Variants in SLC2A13 observed in about 807,000 individuals in gnomAD.
SLC2A13 encodes solute carrier family 2 member 13, also known as proton myo-inositol cotransporter.
A neutral mutation model predicts 64.4 loss-of-function variants in SLC2A13; 32 were observed. That is an observed-to-expected ratio of 0.50 (90% CI 0.37 to 0.67). The LOEUF (loss-of-function observed/expected upper bound fraction) is 0.67. SLC2A13 is among the 30% of genes least tolerant of loss of function. The probability of loss-of-function intolerance (pLI) is 0.00; values close to 1 mark genes in which losing one functional copy is unlikely to be tolerated. For missense variants in SLC2A13, 743 were observed against 829.2 expected (o/e 0.90, Z 1.28); for synonymous variants, 338 against 327.1 (o/e 1.03, Z -0.36).
chr12:39,883,399 G>T (rs931633576), intron 4 of SLC2A13, among the ~76,000 whole-genome samples: 1 of 152,134 alleles, frequency 6.6e-6, no homozygotes, highest in African/African-American at 2.4e-5. Flanking sequence ...GACTACATAT[G>T]ACTTGGGAGC....
At chr12:39,917,706 A>G (rs933014207) in intron 4 of SLC2A13, among the ~76,000 whole-genome samples, 4 of 152,068 alleles carry the variant, frequency 2.6e-5, no homozygotes, top group African/African-American at 9.7e-5. Context: ...TCAGTGAATT[A>G]CACTGCTGAC....
chr12:40,102,525 T>C (rs750471141), intron 1 of SLC2A13, among the ~76,000 whole-genome samples: 2 of 152,210 alleles, frequency 1.3e-5, no homozygotes, highest in Admixed American at 6.5e-5. Context: ...GCAGAAATCC[T>C]TGACCCACAT....
intron 3 of SLC2A13, among the ~76,000 whole-genome samples, chr12:39,997,906 T>G (rs1192286567): frequency 6.6e-6 from 1 of 152,174 alleles, no homozygotes; most frequent in Non-Finnish European, 1.5e-5. Context: ...CAGGGAACAC[T>G]TCACCACTGC....
chr12:39,770,645 C>T (rs964710632), intron 7 of SLC2A13, among the ~76,000 whole-genome samples: 1 of 152,152 alleles, frequency 6.6e-6, no homozygotes, highest in African/African-American at 2.4e-5. Context: ...AGAGCATCTG[C>T]ACACTCAATG....
chr12:39,760,159 A>G lies in SLC2A13; in HGVS notation c.1814T>C (p.Ile605Thr), dbSNP rs781699032. Reference protein sequence around the residue: ...PETKGKKLEEIESLFDNRLCT... With the variant: ...PETKGKKLEETESLFDNRLCT... ...TAGCCTGTTGTCAAAGAGTGATTCA[A>G]TTTCCTCTAATTTTTTGCCTTTGGT... Residue 605 changes from isoleucine (I) to threonine (T), a missense_variant, in exon 10 of 10, where the codon ATT (isoleucine) becomes ACT (threonine). Physicochemically the swap from Ile to Thr is moderately conservative, Grantham distance 89. This residue lies in a region of SLC2A13 where 295 missense variants were observed against 381.7 expected (regional missense o/e 0.77). Transcript: ENST00000280871. The G allele has an allele frequency of 1.3e-5, 21 of 1,612,834 alleles. No individual in the cohort carries two copies. The highest frequency in any genetic ancestry group is 6.7e-5 in the Admixed American group (4 of 59,788).
chr12:39,881,327 T>C (rs944691409), intron 4 of SLC2A13, among the ~76,000 whole-genome samples: 20 of 151,506 alleles, frequency 1.3e-4, no homozygotes, highest in Admixed American at 9.8e-4. Flanking sequence ...GTGGTTTATG[T>C]TAAAAAAAAA....
intron 4 of SLC2A13, among the ~76,000 whole-genome samples, chr12:39,947,014 C>G (rs1044540452): frequency 1.3e-5 from 2 of 152,162 alleles, no homozygotes; most frequent in Non-Finnish European, 2.9e-5. Flanking sequence ...TGGGATCCAG[C>G]AAGCTCCCAG....
intron 7 of SLC2A13, among the ~76,000 whole-genome samples, chr12:39,785,738 C>A (rs912258838): frequency 1.6e-4 from 25 of 152,082 alleles, no homozygotes; most frequent in Admixed American, 6.5e-5. Flanking sequence ...CGGAGCTGCC[C>A]AAGACCATGG....
rs559568911 is a variant in SLC2A13 at position 39,787,464 on chromosome 12, C to A, written c.1446-22606G>T. Among the ~76,000 whole-genome samples, 35 of 152,192 alleles carry A rather than the reference C, an allele frequency of 2.3e-4. 1 individual carries two copies. The highest frequency in any genetic ancestry group is 8.0e-4 in the African/African-American group (33 of 41,506). On this transcript the variant is annotated intron_variant, in intron 7 of 9. Coordinates refer to ENST00000280871, the MANE Select transcript of SLC2A13 (RefSeq NM_052885.4). Reference sequence around the variant, plus strand: ...TGTGTTCTCTAAAGCAGAGAGAAATCCTTTATCGGGATTTCTAGGAGATTA... The same window carrying A: ...TGTGTTCTCTAAAGCAGAGAGAAATACTTTATCGGGATTTCTAGGAGATTA...
chr12:39,998,021 T>C (rs562624774), intron 3 of SLC2A13, among the ~76,000 whole-genome samples: 1 of 152,260 alleles, frequency 6.6e-6, no homozygotes, highest in East Asian at 1.9e-4. Flanking sequence ...CGCTACTGGA[T>C]ATATACCCAG....
chr12:39,770,886 G>T (rs1940539346), intron 7 of SLC2A13, among the ~76,000 whole-genome samples: 1 of 152,058 alleles, frequency 6.6e-6, no homozygotes, highest in African/African-American at 2.4e-5. Context: ...GACATCCTAG[G>T]TTCAGATCTA....
intron 2 of SLC2A13, among the ~76,000 whole-genome samples, chr12:40,047,166 T>C (rs557744808): frequency 5.1e-4 from 78 of 152,252 alleles, no homozygotes; most frequent in Non-Finnish European, 9.9e-4. Flanking sequence ...CCTCCTGAAG[T>C]GTTGGTATTA....
At chr12:40,039,521 C>T (rs1031928634) in intron 2 of SLC2A13, among the ~76,000 whole-genome samples, 6 of 152,158 alleles carry the variant, frequency 3.9e-5, no homozygotes, top group East Asian at 3.8e-4. Context: ...TTAAGTATTA[C>T]GTTTTAATGC....
At chr12:39,948,880 A>G (rs1303294984) in intron 4 of SLC2A13, among the ~76,000 whole-genome samples, 2 of 152,186 alleles carry the variant, frequency 1.3e-5, no homozygotes, top group Non-Finnish European at 2.9e-5. Context: ...AGGCATAATT[A>G]AAATTTCTAC....
chr12:40,072,307 TC>T (rs17489452), intron 1 of SLC2A13, among the ~76,000 whole-genome samples: 1,988 of 152,256 alleles, frequency 0.013, 44 homozygotes, highest in African/African-American at 0.046. Flanking sequence ...GTTTCACAGT[TC>T]AGAATGTGTT....
chr12:39,761,167 A>C (rs1246942632), intron 9 of SLC2A13, among the ~76,000 whole-genome samples: 1 of 151,984 alleles, frequency 6.6e-6, no homozygotes, highest in African/African-American at 2.4e-5. Context: ...GGGAGTGGGA[A>C]GAACTGAGTT....
intron 7 of SLC2A13, among the ~76,000 whole-genome samples, chr12:39,806,691 A>G (rs1592155007): frequency 6.6e-6 from 1 of 152,218 alleles, no homozygotes. Context: ...CAGAAAGTTA[A>G]TATCTTATTA....
In SLC2A13 at chr12:39,895,875, T is replaced by C. The variant is rs533950072; in HGVS notation, c.1035-23914A>G. On this transcript the variant is annotated intron_variant, in intron 4 of 9. Transcript: ENST00000280871. ...GTATATGCGTGTATATGCACACACATATGTATATGCGTGTATATGCACACA... is the reference window on the plus strand; with the variant it reads ...GTATATGCGTGTATATGCACACACACATGTATATGCGTGTATATGCACACA... 4.0e-3 allele frequency among the ~76,000 whole-genome samples: 403 copies of C among 100,476 alleles called. 145 individuals are homozygous for C. Among genetic ancestry groups the C allele is most frequent in the African/African-American group, 0.014 (376 of 25,998 alleles). The allele number at this position is 100,476 out of a possible 152,430, so 65.9% of individuals were successfully genotyped here. A position where few individuals can be genotyped will look rare whatever the true frequency, so the allele number is the denominator to read the frequency against.
chr12:39,793,252 G>C (rs964700850), intron 7 of SLC2A13, among the ~76,000 whole-genome samples: 2 of 151,980 alleles, frequency 1.3e-5, no homozygotes, highest in African/African-American at 4.8e-5. Context: ...CACTAGAAAA[G>C]GAAATGTTTA....
Sources: allele counts gnomAD v4.1 joint callset (sites outside exome capture counted in the v4.1 genomes callset), GRCh38; gene constraint gnomAD v4.1.1; regional missense constraint gnomAD v4.1.1; transcripts MANE v1.5; gene names NCBI Gene and HGNC (gene_info 2026-07-23, HGNC 2026-07-21).